NOS2: variants seen among roughly 807,000 people sequenced by gnomAD.
The protein encoded by NOS2 is nitric oxide synthase 2.
A neutral mutation model predicts 136.0 loss-of-function variants in NOS2; 96 were observed. The observed-to-expected ratio is 0.71, with a 90% confidence interval of 0.60 to 0.84. NOS2 has a LOEUF of 0.84. Among genes scored for constraint, NOS2 ranks in the 40% least tolerant of loss-of-function variants. NOS2 has a pLI of 0.00. For synonymous variants in NOS2, 539 were observed against 587.5 expected (o/e 0.92, Z 1.20); for missense variants, 1,237 against 1,496.9 (o/e 0.83, Z 2.87).
At chr17:27,766,474 AGAGTATCACCCAC>A in intron 19 of NOS2, 23 bp downstream of exon 19, 3 of 1,524,034 alleles carry the variant, frequency 2.0e-6, no homozygotes, top group Non-Finnish European at 1.8e-6. Flanking sequence ...TAAAATCGAC[AGAGTATCACCCAC>A]GAAGCCCTGC....
chr17:27,778,595 A>C (rs1453854258), intron 11 of NOS2, 95 bp downstream of exon 11: 16 of 981,544 alleles, frequency 1.6e-5, no homozygotes, highest in Non-Finnish European at 2.3e-5. Context: ...AGAGTGAGCA[A>C]GGGGGCTTAC....
At position 27,781,093 on chromosome 17, in the gene NOS2, GC is replaced by G; in HGVS notation, c.806del (p.Gly269AlafsTer76). 2 of 1,613,744 alleles carry G rather than the reference GC, an allele frequency of 1.2e-6. No individual in the cohort carries two copies. Among genetic ancestry groups the G allele is most frequent in the Non-Finnish European group, 1.7e-6 (2 of 1,180,024 alleles). On this transcript the variant is annotated frameshift_variant, in exon 8 of 27. Transcript: ENST00000313735. LOFTEE classifies it high-confidence loss of function. ...TGATGCTGCCATCTGGCATCTGGTA[GC>G]CAGCATAGCGGATGAGCTGAGCATT... ...VWNAQLIRYA[G>X]YQMPDGSIRG...
Position 27,765,689 on chromosome 17 carries a change from G to A in NOS2, c.2274C>T (p.Ser758=). 2 of 1,611,042 alleles carry A rather than the reference G, an allele frequency of 1.2e-6. No individual in the cohort carries two copies. The highest frequency in any genetic ancestry group is 1.7e-6 in the Non-Finnish European group (2 of 1,179,068). The change falls in exon 20 of 27, where the codon TCC becomes TCT. Residue 758 remains serine, a synonymous_variant. Coordinates refer to ENST00000313735, the MANE Select transcript of NOS2 (RefSeq NM_000625.4). ...AGTTCAGGCCTTGGCCATCCTCACA[G>A]GAGAGTTCCACCAGGATGGTGGCAC... is the stretch of plus-strand genomic sequence containing the variant. ...SSRATILVEL[S]CEDGQGLNYL...
intron 17 of NOS2, 67 bp from the exon 18 acceptor site, chr17:27,767,904 C>T: frequency 1.3e-6 from 2 of 1,598,708 alleles, no homozygotes; most frequent in South Asian, 2.2e-5. Flanking sequence ...ACTGGGGCTA[C>T]CACTTTTTAG....
At chr17:27,791,451 G>C (rs554287240) in intron 2 of NOS2, among the ~76,000 whole-genome samples, 1 of 152,132 alleles carries the variant, frequency 6.6e-6, no homozygotes, top group East Asian at 1.9e-4. Flanking sequence ...TCCCCCAGGC[G>C]ATGTCTGATC....
intron 17 of NOS2, 79 bp downstream of exon 17, chr17:27,768,898 G>A (rs1156863415): frequency 7.8e-6 from 11 of 1,411,206 alleles, no homozygotes; most frequent in Non-Finnish European, 1.0e-5. Context: ...TGCCACCTGG[G>A]ACGCCCAGCA....
Position 27,764,015 on chromosome 17 carries a change from T to C in NOS2, c.2558A>G (p.Glu853Gly). Residue 853 changes from glutamate (E) to glycine (G), a missense_variant, in exon 21 of 27, where the codon GAG becomes GGG. Glu to Gly is a moderately conservative substitution (Grantham distance 98). Transcript: ENST00000313735. Reference sequence around the variant, plus strand: ...GGCCTCCAGCCTCTGTCTCTCAGGCTCTTCTGTGGCCACCTGGGCCAGCTT... The same window carrying C: ...GGCCTCCAGCCTCTGTCTCTCAGGCCCTTCTGTGGCCACCTGGGCCAGCTT... ...LQKLAQVATE[E>G]PERQRLEALC... The C allele has an allele frequency of 6.2e-7, 1 of 1,613,768 alleles. No homozygotes were observed. Among genetic ancestry groups the C allele is most frequent in the Non-Finnish European group, 8.5e-7 (1 of 1,179,838 alleles).
At position 27,766,506 on chromosome 17, in the gene NOS2, T is replaced by G; in HGVS notation, c.2246+4A>C. The stretch of plus-strand genomic sequence containing the variant: ...CACCCACGAAGCCCTGCACTTTCCC[T>G]TACCTGGATGTCGGACTTTGTAGAT... On this transcript the variant is annotated splice_donor_region_variant and intron_variant, in intron 19 of 26. Transcript: ENST00000313735. The G allele has an allele frequency of 6.2e-7, 1 of 1,612,764 alleles. No homozygotes were observed. Among genetic ancestry groups the G allele is most frequent in the Non-Finnish European group, 8.5e-7 (1 of 1,178,678 alleles).
At chr17:27,774,895 G>A (rs888753164) in intron 11 of NOS2, among the ~76,000 whole-genome samples, 1 of 152,168 alleles carries the variant, frequency 6.6e-6, no homozygotes, top group Admixed American at 6.5e-5. Flanking sequence ...AGCCAAGAAG[G>A]AGCCAGACCC....
In NOS2 at chr17:27,761,238, C is replaced by A. The variant is rs758655170; in HGVS notation, c.2801-7G>T. ...TGCAGGGGACCCTGGCCATCTGCAA[C>A]GATACCACAAAGTGACCAACGTCCC... is the stretch of plus-strand genomic sequence containing the variant. On this transcript the variant is annotated splice_region_variant and splice_polypyrimidine_tract_variant and intron_variant, in intron 22 of 26. Transcript: ENST00000313735. 3 of 1,601,492 alleles carry A rather than the reference C, an allele frequency of 1.9e-6. No individual in the cohort carries two copies. The highest frequency in any genetic ancestry group is 2.6e-6 in the Non-Finnish European group (3 of 1,175,378).
chr17:27,762,525 C>G (rs979372083), intron 22 of NOS2, among the ~76,000 whole-genome samples: 3 of 152,224 alleles, frequency 2.0e-5, no homozygotes, highest in African/African-American at 7.2e-5. Context: ...AATCTCAGCT[C>G]TCCACTTACT....
rs199651557 is a variant in NOS2 at position 27,758,870 on chromosome 17, C to T, written c.3354+11G>A. The T allele has an allele frequency of 1.0e-4, 157 of 1,501,298 alleles. No homozygotes were observed. In the African/African-American group the frequency reaches 1.9e-3, roughly 18 times the overall value. 93.0% of individuals were successfully genotyped at this position (1,501,298 alleles called of 1,614,324 possible). On this transcript the variant is annotated intron_variant, in intron 26 of 26. Coordinates refer to ENST00000313735, the MANE Select transcript of NOS2 (RefSeq NM_000625.4). The stretch of plus-strand genomic sequence containing the variant: ...GGCCGGCACCTTCAGCCCACACACC[C>T]ACTACTATACCTTGAGCTGAAAGAA...
chr17:27,799,003 C>T, intron 1 of NOS2, 121 bp from the exon 2 acceptor site: 2 of 591,876 alleles, frequency 3.4e-6, no homozygotes, highest in South Asian at 4.3e-5. Flanking sequence ...TTCATCAATG[C>T]TTTGCAACCT....
intron 26 of NOS2, among the ~76,000 whole-genome samples, chr17:27,758,435 T>G (rs1907999464): frequency 6.6e-6 from 1 of 152,198 alleles, no homozygotes; most frequent in Non-Finnish European, 1.5e-5. Context: ...ACTATTATCT[T>G]CATCAATAAA....
chr17:27,762,665 T>C (rs1908168373), intron 22 of NOS2, 133 bp downstream of exon 22: 2 of 666,250 alleles, frequency 3.0e-6, no homozygotes, highest in South Asian at 1.8e-5. Context: ...CACCTCCTAA[T>C]ACTGTTAACA....
At chr17:27,785,206 G>A (rs183924866) in intron 5 of NOS2, among the ~76,000 whole-genome samples, 3 of 152,304 alleles carry the variant, frequency 2.0e-5, no homozygotes, top group East Asian at 1.9e-4. Context: ...TGCCTTGTCT[G>A]TAAGATGAGG....
chr17:27,770,871 G>A (rs1388103453), intron 15 of NOS2, 42 bp downstream of exon 15: 8 of 1,473,694 alleles, frequency 5.4e-6, no homozygotes, highest in South Asian at 1.1e-5. Context: ...GTCCTCCCGT[G>A]CCCTACCACC....
At chr17:27,780,197 T>G (rs28999376) in intron 9 of NOS2, among the ~76,000 whole-genome samples, 14 of 152,214 alleles carry the variant, frequency 9.2e-5, no homozygotes, top group African/African-American at 3.1e-4. Context: ...GGAAAAGGCA[T>G]GTCATGCAAA....
rs1243710108 is a variant in NOS2 at position 27,760,032 on chromosome 17, T to G, written c.3157A>C (p.Lys1053Gln). ...TAYSRLPGKP[K>Q]VYVQDILRQQ... ...ACCTGCTTTGAGGCTGCATTTACCT[T>G]GGGCTTGCCAGGCAGGCGGGAATAG... Residue 1053 changes from lysine (K) to glutamine (Q), a missense_variant and splice_region_variant, in exon 25 of 27, where the codon AAG (lysine) becomes CAG (glutamine). Transcript: ENST00000313735. 1 of 1,528,060 alleles carries G rather than the reference T, an allele frequency of 6.5e-7. No individual in the cohort carries two copies. Among genetic ancestry groups the G allele is most frequent in the South Asian group, 1.3e-5 (1 of 78,032 alleles). 94.7% of individuals were successfully genotyped at this position (1,528,060 alleles called of 1,614,324 possible). A position where few individuals can be genotyped will look rare whatever the true frequency, so the allele number is the denominator to read the frequency against.
Sources: gnomAD v4.1 joint callset for allele counts (sites outside exome capture counted in the v4.1 genomes callset) on GRCh38, gnomAD v4.1.1 for gene constraint, MANE v1.5 for transcripts, NCBI Gene and HGNC (gene_info 2026-07-23, HGNC 2026-07-21) for gene names.